Variants in TMTC2 observed in about 807,000 individuals in gnomAD.
TMTC2 encodes protein O-mannosyl-transferase TMTC2.
Under a neutral mutation model 82.4 loss-of-function variants are expected in TMTC2, and 43 were observed. The ratio of observed to expected loss-of-function variants is 0.52; its 90% CI spans 0.41 to 0.67. TMTC2 has a LOEUF of 0.67. TMTC2 is among the 30% of genes least tolerant of loss of function. The pLI is 0.00. For missense variants in TMTC2, 919 were observed against 1,012.4 expected (o/e 0.91, Z 1.25); for synonymous variants, 408 against 381.9 (o/e 1.07, Z -0.80).
At chr12:82,725,148 A>C (rs1176217077) in intron 1 of TMTC2, among the ~76,000 whole-genome samples, 4 of 152,104 alleles carry the variant, frequency 2.6e-5, no homozygotes, top group South Asian at 2.1e-4. Context: ...TAAAAAAAAA[A>C]CAAAAAAACT....
intron 1 of TMTC2, among the ~76,000 whole-genome samples, chr12:82,689,729 A>C (rs1837934263): frequency 6.6e-6 from 1 of 152,166 alleles, no homozygotes; most frequent in African/African-American, 2.4e-5. Flanking sequence ...TGGCAGTTGT[A>C]AGTTTTTCAG....
chr12:83,075,976 T>G (rs900634299), intron 11 of TMTC2, among the ~76,000 whole-genome samples: 3 of 152,262 alleles, frequency 2.0e-5, no homozygotes, highest in Admixed American at 2.0e-4. Flanking sequence ...AAGTGTTTAC[T>G]GCTTTTCTTC....
At chr12:82,975,850 C>T (rs1190472165) in intron 7 of TMTC2, among the ~76,000 whole-genome samples, 1 of 151,772 alleles carries the variant, frequency 6.6e-6, no homozygotes, top group East Asian at 1.9e-4. Flanking sequence ...CAGGCTAGTA[C>T]AGTATTCATG....
intron 3 of TMTC2, among the ~76,000 whole-genome samples, chr12:82,916,185 T>C (rs1874988504): frequency 6.6e-6 from 1 of 152,198 alleles, no homozygotes; most frequent in African/African-American, 2.4e-5. Flanking sequence ...TTTATGACAT[T>C]CTAGTATATA....
At chr12:83,030,326 A>C (rs921080218) in intron 8 of TMTC2, among the ~76,000 whole-genome samples, 4 of 152,198 alleles carry the variant, frequency 2.6e-5, no homozygotes, top group Admixed American at 2.0e-4. Context: ...TGTGTAATTC[A>C]ATATAATTTG....
Position 82,930,552 on chromosome 12 carries a change from A to T in TMTC2, c.1598+7A>T. ...CTGACATGCTTTATAATTTGTGAGTATGCCTTGCTTCTCTGGTTTGGTTCG... is the reference window on the plus strand; with the variant it reads ...CTGACATGCTTTATAATTTGTGAGTTTGCCTTGCTTCTCTGGTTTGGTTCG... On this transcript the variant is annotated splice_region_variant and intron_variant, in intron 4 of 11. Coordinates refer to ENST00000321196, the MANE Select transcript of TMTC2 (RefSeq NM_152588.3). 6.4e-7 allele frequency: 1 copy of T among 1,555,618 alleles called. No homozygotes were observed. Among genetic ancestry groups the T allele is most frequent in the East Asian group, 2.3e-5 (1 of 43,704 alleles).
At chr12:82,871,335 A>C (rs1031783095) in intron 2 of TMTC2, among the ~76,000 whole-genome samples, 1 of 151,588 alleles carries the variant, frequency 6.6e-6, no homozygotes, top group African/African-American at 2.4e-5. Context: ...AAAATGAAAG[A>C]TCCAAGTAGT....
At chr12:83,030,715 AT>A (rs1477520093) in intron 8 of TMTC2, 82 bp from the exon 9 acceptor site, 7 of 1,084,214 alleles carry the variant, frequency 6.5e-6, no homozygotes, top group Non-Finnish European at 8.4e-6. Flanking sequence ...CCAAGTAGAC[AT>A]TTGGCTACTT....
chr12:82,886,673 C>G (rs543790002), intron 2 of TMTC2, among the ~76,000 whole-genome samples: 2 of 152,122 alleles, frequency 1.3e-5, no homozygotes, highest in African/African-American at 4.8e-5. Context: ...TTAATCTTGT[C>G]TGTTAGTTGG....
intron 1 of TMTC2, among the ~76,000 whole-genome samples, chr12:82,728,396 A>G (rs1157642256): frequency 6.6e-6 from 1 of 151,950 alleles, no homozygotes; most frequent in Non-Finnish European, 1.5e-5. Context: ...CATTTGAAAA[A>G]TCAAAAGTAC....
chr12:82,910,559 G>T (rs563660520), intron 3 of TMTC2, among the ~76,000 whole-genome samples: 3 of 152,312 alleles, frequency 2.0e-5, no homozygotes, highest in Non-Finnish European at 4.4e-5. Context: ...TGTATCCCAG[G>T]GTTTCTTACC....
chr12:82,892,242 T>TA (rs1325147891), intron 2 of TMTC2, among the ~76,000 whole-genome samples: 2 of 152,224 alleles, frequency 1.3e-5, no homozygotes, highest in Non-Finnish European at 2.9e-5. Flanking sequence ...TGTGAAATAA[T>TA]ACATAAATTA....
At chr12:82,693,451 G>A (rs952527970) in intron 1 of TMTC2, among the ~76,000 whole-genome samples, 5 of 152,176 alleles carry the variant, frequency 3.3e-5, no homozygotes, top group South Asian at 4.1e-4. Flanking sequence ...CAGGACAGTC[G>A]TTTTTCTTGG....
intron 1 of TMTC2, among the ~76,000 whole-genome samples, chr12:82,770,177 T>G (rs2136993881): frequency 6.6e-6 from 1 of 152,288 alleles, no homozygotes; most frequent in South Asian, 2.1e-4. Context: ...TGAGTTTGCC[T>G]AGGAAACGAT....
intron 8 of TMTC2, among the ~76,000 whole-genome samples, chr12:82,995,239 C>T (rs1041797745): frequency 2.6e-5 from 4 of 152,040 alleles, no homozygotes; most frequent in African/African-American, 9.7e-5. Context: ...AGACAATATA[C>T]ATTTTTAGAA....
chr12:82,895,843 G>A lies in TMTC2; in HGVS notation c.680G>A (p.Ser227Asn), dbSNP rs1018463116. ...YKRKNLSLFL[S>N]ISLLIFWGSS... ...AGGAAGAACTTGTCGCTTTTCCTAAGCATTAGTTTGTTAATTTTCTGGGGT... is the reference window on the plus strand; with the variant it reads ...AGGAAGAACTTGTCGCTTTTCCTAAACATTAGTTTGTTAATTTTCTGGGGT... Residue 227 changes from serine to asparagine, a missense_variant, in exon 3 of 12, where the codon AGC becomes AAC. Ser to Asn is a conservative substitution (Grantham distance 46). Transcript: ENST00000321196. The A allele has an allele frequency of 3.1e-6, 5 of 1,611,342 alleles. No homozygotes were observed. In the Admixed American group the frequency reaches 6.7e-5, roughly 22 times the overall value.
At chr12:82,913,865 C>T (rs769501346) in intron 3 of TMTC2, among the ~76,000 whole-genome samples, 3 of 152,146 alleles carry the variant, frequency 2.0e-5, no homozygotes, top group Non-Finnish European at 4.4e-5. Flanking sequence ...TCCCTGCATA[C>T]TCAATTCCCA....
intron 9 of TMTC2, among the ~76,000 whole-genome samples, chr12:83,040,950 C>G (rs1240368939): frequency 6.6e-6 from 1 of 152,084 alleles, no homozygotes. Flanking sequence ...TCCCAAAGTG[C>G]TGGGATTACA....
At chr12:83,084,940 T>C (rs12317563) in intron 11 of TMTC2, among the ~76,000 whole-genome samples, 13,402 of 152,234 alleles carry the variant, frequency 0.088, 809 homozygotes, top group African/African-American at 0.15. Context: ...GCCTGCATGC[T>C]TTCTGGGGAG....
Sources: gnomAD v4.1 joint callset for allele counts (sites outside exome capture counted in the v4.1 genomes callset) on GRCh38, gnomAD v4.1.1 for gene constraint, MANE v1.5 for transcripts, NCBI Gene and HGNC (gene_info 2026-07-23, HGNC 2026-07-21) for gene names.